The following MCC variants were observed in gnomAD, a reference collection of about 807,000 sequenced individuals.
MCC encodes the protein colorectal mutant cancer protein.
In MCC, 90 loss-of-function variants were observed where a neutral mutation model predicts 116.2. The ratio of observed to expected loss-of-function variants is 0.77; its 90% confidence interval spans 0.65 to 0.92. The LOEUF (loss-of-function observed/expected upper bound fraction) is 0.92, where lower values mean the gene tolerates loss of function less well. MCC is among the 40% of genes least tolerant of loss of function. The probability of loss-of-function intolerance (pLI) is 0.00; values close to 1 mark genes in which losing one functional copy is unlikely to be tolerated. For missense variants in MCC, 1,516 were observed against 1,312.2 expected, an observed-to-expected ratio of 1.16 and a Z score of -2.40; for synonymous variants, 578 against 510.5, an observed-to-expected ratio of 1.13 and a Z score of -1.78.
chr5:113,398,438 T>C (rs943204679), intron 1 of MCC, among the ~76,000 whole-genome samples: 2 of 152,182 alleles, frequency 1.3e-5, no homozygotes, highest in African/African-American at 4.8e-5. Context: ...ACCTAGGTAC[T>C]CATCAGTGAT....
intron 3 of MCC, among the ~76,000 whole-genome samples, chr5:113,258,399 G>C (rs933068974): frequency 3.9e-5 from 6 of 152,212 alleles, no homozygotes; most frequent in South Asian, 2.1e-4. Context: ...TGGCCTGTTA[G>C]GAACCAGAGC....
intron 16 of MCC, among the ~76,000 whole-genome samples, chr5:113,048,321 T>A (rs1158483435): frequency 6.6e-6 from 1 of 152,196 alleles, no homozygotes; most frequent in East Asian, 1.9e-4. Context: ...AAGTTTTAAA[T>A]TGTGCACCAT....
chr5:113,037,340 C>T (rs1751391030), intron 17 of MCC, among the ~76,000 whole-genome samples: 1 of 152,126 alleles, frequency 6.6e-6, no homozygotes, highest in East Asian at 1.9e-4. Context: ...TGAGGAGTCT[C>T]GCTGGCTTTT....
At chr5:113,402,310 A>AAC (rs1204561586) in intron 1 of MCC, among the ~76,000 whole-genome samples, 98 of 144,312 alleles carry the variant, frequency 6.8e-4, no homozygotes, top group Non-Finnish European at 1.3e-3. Context: ...AAAAAAAAAA[A>AAC]ACACACTCAG....
Position 113,373,664 on chromosome 5 carries a change from T to C in MCC, c.415+11304A>G, listed in dbSNP as rs186294337. ...CCTCTCAAGATAAATTTAAACAGATTCTTCCTCTATTTCTTTGTTTCATAT... is the reference window on the plus strand; with the variant it reads ...CCTCTCAAGATAAATTTAAACAGATCCTTCCTCTATTTCTTTGTTTCATAT... On this transcript the variant is annotated intron_variant, in intron 2 of 18. Transcript: ENST00000408903. Among the ~76,000 whole-genome samples the C allele has an allele frequency of 3.2e-4, 48 of 152,344 alleles. No homozygotes were observed. In the East Asian group the frequency reaches 7.9e-3, roughly 25 times the overall value.
chr5:113,464,988 T>A (rs1166059058), intron 1 of MCC, among the ~76,000 whole-genome samples: 1 of 152,114 alleles, frequency 6.6e-6, no homozygotes, highest in Admixed American at 6.5e-5. Flanking sequence ...CTTGCAGAGA[T>A]ATCAATTCTC....
At chr5:113,379,342 G>T (rs1027529464) in intron 2 of MCC, among the ~76,000 whole-genome samples, 1 of 152,204 alleles carries the variant, frequency 6.6e-6, no homozygotes, top group Non-Finnish European at 1.5e-5. Context: ...GCAAGGATTA[G>T]AGATGATAAT....
chr5:113,390,401 G>A (rs1769373172), intron 1 of MCC, among the ~76,000 whole-genome samples: 1 of 152,212 alleles, frequency 6.6e-6, no homozygotes, highest in Non-Finnish European at 1.5e-5. Context: ...AGCTGGCCAA[G>A]TCAGGCAATA....
intron 15 of MCC, among the ~76,000 whole-genome samples, chr5:113,050,961 T>C (rs1259272389): frequency 6.6e-6 from 1 of 152,152 alleles, no homozygotes; most frequent in African/African-American, 2.4e-5. Flanking sequence ...CTAGGAAACT[T>C]CCTTTCTGGA....
rs138318726 is a variant in MCC at position 113,293,237 on chromosome 5, T to TCA, written c.627+47280_627+47281dup. Among the ~76,000 whole-genome samples the TCA allele has an allele frequency of 1.2e-3, 180 of 149,666 alleles. 1 individual carries two copies. In the South Asian group the frequency reaches 0.017, roughly 14 times the overall value. ...CTCTTTCCCATCACCAGGTGTTCCC[T>TCA]CACACACACACACCCCCGCAGGGGC... On this transcript the variant is annotated intron_variant, in intron 3 of 18. Coordinates refer to ENST00000408903, the MANE Select transcript of MCC (RefSeq NM_001085377.2).
chr5:113,434,917 C>T lies in MCC; in HGVS notation c.171-49705G>A. 2 of 1,516,962 alleles carry T rather than the reference C, an allele frequency of 1.3e-6. No homozygotes were observed. Among genetic ancestry groups the T allele is most frequent in the Non-Finnish European group, 1.8e-6 (2 of 1,128,748 alleles). 94.0% of individuals were successfully genotyped at this position (1,516,962 alleles called of 1,614,324 possible). On this transcript the variant is annotated intron_variant, in intron 1 of 18. Transcript: ENST00000408903. The surrounding 1 kb of genome is among the most constrained non-coding windows in gnomAD (Gnocchi z 4.2). Reference sequence around the variant, plus strand: ...CATGGGCCAGCAGTGTGCTCATTTACATCCTGGATAGAGAGTCCTTTGGGC... The same window carrying T: ...CATGGGCCAGCAGTGTGCTCATTTATATCCTGGATAGAGAGTCCTTTGGGC...
At chr5:113,031,752 C>A (rs753347159) in intron 17 of MCC, among the ~76,000 whole-genome samples, 6 of 152,254 alleles carry the variant, frequency 3.9e-5, no homozygotes, top group Admixed American at 2.0e-4. Context: ...CAAGACAAAA[C>A]GCTTCCTTCC....
At chr5:113,264,065 C>T (rs1765318412) in intron 3 of MCC, among the ~76,000 whole-genome samples, 1 of 152,090 alleles carries the variant, frequency 6.6e-6, no homozygotes, top group South Asian at 2.1e-4. Flanking sequence ...GCACTTTGCT[C>T]TTTAGAAACA....
At chr5:113,093,469 ATCTC>A (rs144701142) in intron 8 of MCC, among the ~76,000 whole-genome samples, 7 of 149,184 alleles carry the variant, frequency 4.7e-5, no homozygotes, top group African/African-American at 7.4e-5. Context: ...CTATCTGTTG[ATCTC>A]TCTCTCTCTC....
chr5:113,163,204 A>AT (rs1280439899), intron 3 of MCC, among the ~76,000 whole-genome samples: 8 of 152,224 alleles, frequency 5.3e-5, no homozygotes, highest in African/African-American at 1.9e-4. Context: ...ATCAATTTCC[A>AT]TAAAAACGCA....
chr5:113,413,500 G>A (rs9687774), intron 1 of MCC, among the ~76,000 whole-genome samples: 26,045 of 152,150 alleles, frequency 0.17, 2,447 homozygotes, highest in Non-Finnish European at 0.22. Flanking sequence ...TTAGTCTTGG[G>A]AAGGTGTATG....
At position 113,220,730 on chromosome 5, in the gene MCC, G is replaced by A. The variant is rs114276544; in HGVS notation, c.628-69308C>T. On this transcript the variant is annotated intron_variant, in intron 3 of 18. Transcript: ENST00000408903. Reference sequence around the variant, plus strand: ...CAAAACAGTTTTCTTTGTAGATACCGTAGGATTTTCTACACAGACAGTTAT... The same window carrying A: ...CAAAACAGTTTTCTTTGTAGATACCATAGGATTTTCTACACAGACAGTTAT... Among the ~76,000 whole-genome samples, 886 of 152,238 alleles carry A rather than the reference G, an allele frequency of 5.8e-3. 9 individuals carry two copies. Among genetic ancestry groups the A allele is most frequent in the African/African-American group, 0.02 (842 of 41,538 alleles).
At chr5:113,384,603 A>G (rs1769204482) in intron 2 of MCC, among the ~76,000 whole-genome samples, 1 of 152,112 alleles carries the variant, frequency 6.6e-6, no homozygotes, top group African/African-American at 2.4e-5. Flanking sequence ...CCCCAAAAAA[A>G]TTGCTTTTAA....
At chr5:113,156,413 G>C (rs772779649) in intron 3 of MCC, among the ~76,000 whole-genome samples, 2 of 152,124 alleles carry the variant, frequency 1.3e-5, no homozygotes, top group South Asian at 2.1e-4. Flanking sequence ...TCAACAAACG[G>C]GTTTGTTTGA....
Sources: gnomAD v4.1 joint callset for allele counts (sites outside exome capture counted in the v4.1 genomes callset) on GRCh38, gnomAD v4.1.1 for gene constraint, Gnocchi (gnomAD v3.1) non-coding constraint, MANE v1.5 for transcripts, NCBI Gene and HGNC (gene_info 2026-07-23, HGNC 2026-07-21) for gene names.